ADCY10: variants seen among roughly 807,000 people sequenced by gnomAD.
ADCY10 encodes adenylate cyclase 10.
Under a neutral mutation model 183.3 loss-of-function variants are expected in ADCY10, and 156 were observed. That is an observed-to-expected ratio of 0.85 (90% confidence interval 0.75 to 0.97). ADCY10 has a LOEUF of 0.97. ADCY10 is among the 50% of genes least tolerant of loss of function. ADCY10 has a pLI of 0.00. For missense variants in ADCY10, 1,745 were observed against 1,934.3 expected (o/e 0.90, Z 1.84); for synonymous variants, 645 against 670.0 (o/e 0.96, Z 0.58).
intron 14 of ADCY10, among the ~76,000 whole-genome samples, chr1:167,863,646 G>A (rs1666451712): frequency 6.6e-6 from 1 of 152,222 alleles, no homozygotes; most frequent in Non-Finnish European, 1.5e-5. Flanking sequence ...GCTTTAGCCT[G>A]CCCTGTGGAA....
intron 8 of ADCY10, among the ~76,000 whole-genome samples, chr1:167,886,429 A>G (rs1668228431): frequency 6.6e-6 from 1 of 152,154 alleles, no homozygotes; most frequent in Non-Finnish European, 1.5e-5. Flanking sequence ...ACAAACCTGA[A>G]AAAGACAAGA....
rs550911061 is a variant in ADCY10 at position 167,876,951 on chromosome 1, C to T, written c.1406+1495G>A. ...CATAGAGCCAGATTGCCCTAGTTAT[C>T]CCAACTGAGGCCGCCAGGTTGGCCA... is the stretch of plus-strand genomic sequence containing the variant. On this transcript the variant is annotated intron_variant, in intron 12 of 32. Transcript: ENST00000367851. Among the ~76,000 whole-genome samples the T allele has an allele frequency of 7.9e-5, 12 of 152,254 alleles. No homozygotes were observed. The South Asian group carries it at 1.2e-3, about 16-fold the overall frequency.
chr1:167,896,348 G>A (rs73022201), intron 7 of ADCY10, among the ~76,000 whole-genome samples: 1,891 of 152,220 alleles, frequency 0.012, 38 homozygotes, highest in African/African-American at 0.035. Flanking sequence ...TTATCCTAGG[G>A]GATACTTATT....
At chr1:167,878,781 A>G (rs1667673785) in intron 11 of ADCY10, 146 bp from the exon 12 acceptor site, 1 of 814,246 alleles carries the variant, frequency 1.2e-6, no homozygotes, top group Admixed American at 2.2e-5. Context: ...CTCAAGACCC[A>G]TATTCAGCCA....
At chr1:167,892,888 A>G (rs1049574672) in intron 8 of ADCY10, among the ~76,000 whole-genome samples, 1 of 152,188 alleles carries the variant, frequency 6.6e-6, no homozygotes, top group Non-Finnish European at 1.5e-5. Flanking sequence ...AATCCTAGCT[A>G]TATCTTTTAC....
intron 13 of ADCY10, among the ~76,000 whole-genome samples, chr1:167,874,013 G>C (rs1667277321): frequency 6.6e-6 from 1 of 152,142 alleles, no homozygotes; most frequent in Non-Finnish European, 1.5e-5. Context: ...TTGAAAAATA[G>C]GTGAAAAATT....
At chr1:167,856,134 C>G in intron 17 of ADCY10, 31 bp downstream of exon 17, 1 of 1,612,658 alleles carries the variant, frequency 6.2e-7, no homozygotes, top group East Asian at 2.2e-5. Flanking sequence ...ATGCAGATGT[C>G]GAGAGTTCAG....
At position 167,899,602 on chromosome 1, in the gene ADCY10, A is replaced by G. The variant is rs1669250492; in HGVS notation, c.463T>C (p.Leu155=). 1.2e-6 allele frequency: 2 copies of G among 1,613,956 alleles called. No individual in the cohort carries two copies. Among genetic ancestry groups the G allele is most frequent in the Non-Finnish European group, 1.7e-6 (2 of 1,180,054 alleles). Residue 155 remains leucine (L), a synonymous_variant, in exon 6 of 33, where the codon TTG becomes CTG. Transcript: ENST00000367851. ...IGLAAGHISM[L]VFGDETHSHF... ...CTGTGTGTTTCATCTCCAAAGACCA[A>G]CATGCTGATGTGGCCAGCAGCCAGT...
intron 21 of ADCY10, among the ~76,000 whole-genome samples, chr1:167,838,747 C>T (rs144577625): frequency 6.6e-6 from 1 of 152,120 alleles, no homozygotes; most frequent in Non-Finnish European, 1.5e-5. Flanking sequence ...CAAATACCAC[C>T]TTGGCAACTG....
intron 28 of ADCY10, 92 bp downstream of exon 28, chr1:167,824,384 C>T: frequency 9.5e-7 from 1 of 1,050,034 alleles, no homozygotes. Context: ...CTACTCCCTT[C>T]CCCACCCTAG....
At chr1:167,904,030 G>T in intron 2 of ADCY10, 39 bp from the exon 3 acceptor site, 1 of 1,450,990 alleles carries the variant, frequency 6.9e-7, no homozygotes. Flanking sequence ...GGCTGCTTGG[G>T]GGAATCAAAC....
chr1:167,884,855 G>A (rs1668117859), intron 8 of ADCY10, among the ~76,000 whole-genome samples: 1 of 152,008 alleles, frequency 6.6e-6, no homozygotes, highest in East Asian at 1.9e-4. Flanking sequence ...GCACCACCAT[G>A]CCTGGCTAAT....
chr1:167,822,916 T>C, intron 29 of ADCY10, 92 bp downstream of exon 29: 2 of 1,088,940 alleles, frequency 1.8e-6, no homozygotes, highest in Non-Finnish European at 2.8e-6. Flanking sequence ...AGAAACCTAG[T>C]GGTCCCAAAG....
chr1:167,848,239 C>T (rs377632929), intron 19 of ADCY10, 122 bp downstream of exon 19: 5 of 728,928 alleles, frequency 6.9e-6, no homozygotes, highest in East Asian at 2.9e-5. Flanking sequence ...TTAGTAGATA[C>T]GGGGTTTCAC....
intron 31 of ADCY10, among the ~76,000 whole-genome samples, chr1:167,812,028 C>T (rs1234583799): frequency 6.6e-6 from 1 of 152,210 alleles, no homozygotes; most frequent in African/African-American, 2.4e-5. Context: ...AGCTGCCTGT[C>T]CCCCAGCCTC....
rs768845395 is a variant in ADCY10, at chr1:167,834,060, A to C, written c.3327T>G (p.Asn1109Lys). Residue 1109 changes from asparagine to lysine, a missense_variant, in exon 24 of 33, where the codon AAT (asparagine) becomes AAG (lysine). Transcript: ENST00000367851. ...GAGTTTTTAGCAACTTCTGTCCTTC[A>C]TTCAAATACATGTATGCCTGTAACC... ...CDNYMAYMYLNEGQKLLKTLK... is the reference protein window; with the variant it reads ...CDNYMAYMYLKEGQKLLKTLK... The C allele has an allele frequency of 1.9e-6, 3 of 1,613,888 alleles. No individual in the cohort carries two copies. The highest frequency in any genetic ancestry group is 1.7e-6 in the Non-Finnish European group (2 of 1,179,814).
Position 167,829,323 on chromosome 1 carries a change from G to A in ADCY10, c.3694C>T (p.His1232Tyr). The change falls in exon 26 of 33, where the codon CAC (histidine) becomes TAC (tyrosine). Residue 1232 changes from histidine to tyrosine, a missense_variant. By Grantham distance (83) the His-to-Tyr change is moderately conservative. Coordinates refer to ENST00000367851, the MANE Select transcript of ADCY10 (RefSeq NM_018417.6). ...TTCATTTGCATCATAACTGCCAGGT[G>A]GGCATAATACTTGCAGTGAAAAAGA... ...SYLFHCKYYAHLAVMMQMNTA... is the reference protein window; with the variant it reads ...SYLFHCKYYAYLAVMMQMNTA... The A allele has an allele frequency of 6.2e-7, 1 of 1,614,122 alleles. No homozygotes were observed. The highest frequency in any genetic ancestry group is 8.5e-7 in the Non-Finnish European group (1 of 1,179,960).
intron 21 of ADCY10, among the ~76,000 whole-genome samples, chr1:167,841,714 C>T (rs532434904): frequency 6.6e-6 from 1 of 151,872 alleles, no homozygotes; most frequent in Non-Finnish European, 1.5e-5. Context: ...GGTCTTGAAC[C>T]CTTGGCCTCA....
At position 167,861,013 on chromosome 1, in the gene ADCY10, G is replaced by A; in HGVS notation, c.1667C>T (p.Thr556Ile). ...GACATTGGCCATGAACATCTGGATG[G>A]TATAGAAAGTTTGATGGAAGCTGAT... Reference protein sequence around the residue: ...NKISFHQTFYTIQMFMANVLG... With the variant: ...NKISFHQTFYIIQMFMANVLG... Residue 556 changes from threonine to isoleucine, a missense_variant, in exon 15 of 33, where the codon ACC becomes ATC. Transcript: ENST00000367851. 6.2e-7 allele frequency: 1 copy of A among 1,614,142 alleles called. No individual in the cohort carries two copies. Among genetic ancestry groups the A allele is most frequent in the Non-Finnish European group, 8.5e-7 (1 of 1,180,004 alleles).
Sources: allele counts gnomAD v4.1 joint callset (sites outside exome capture counted in the v4.1 genomes callset), GRCh38; gene constraint gnomAD v4.1.1; transcripts MANE v1.5; gene names NCBI Gene and HGNC (gene_info 2026-07-23, HGNC 2026-07-21).